The following SIT1 variants were observed in gnomAD, a reference collection of about 807,000 sequenced individuals.
SIT1 encodes signaling threshold regulating transmembrane adaptor 1.
A neutral mutation model predicts 23.5 loss-of-function variants in SIT1; 19 were observed. The observed-to-expected ratio is 0.81, with a 90% CI of 0.56 to 1.19. The LOEUF (loss-of-function observed/expected upper bound fraction) is 1.19. Among genes scored for constraint, SIT1 ranks in the 50% most tolerant of loss-of-function variants. SIT1 has a pLI of 0.00. For synonymous variants in SIT1, 114 were observed against 109.1 expected, an observed-to-expected ratio of 1.04 and a Z score of -0.28; for missense variants, 213 against 254.9, an observed-to-expected ratio of 0.84 and a Z score of 1.12.
In SIT1 at chr9:35,650,680, C is replaced by A; in HGVS notation, c.101-43G>T. 5 of 1,611,764 alleles carry A rather than the reference C, an allele frequency of 3.1e-6. No individual in the cohort carries two copies. Among genetic ancestry groups the A allele is most frequent in the East Asian group, 2.2e-5 (1 of 44,828 alleles). ...AGGGGGGTGTAACAGCCCCGCCCCACCCCCAGGGCCCAGCAGGTGGGACCT... is the reference window on the plus strand; with the variant it reads ...AGGGGGGTGTAACAGCCCCGCCCCAACCCCAGGGCCCAGCAGGTGGGACCT... On this transcript the variant is annotated intron_variant, in intron 1 of 4. Coordinates refer to ENST00000259608, the MANE Select transcript of SIT1 (RefSeq NM_014450.3). This position sits in a 1 kb window ranked among gnomAD's most constrained non-coding sequence, Gnocchi z 4.8.
At position 35,650,071 on chromosome 9, in the gene SIT1, T is replaced by G. The variant is rs769239638; in HGVS notation, c.368A>C (p.Glu123Ala). The G allele has an allele frequency of 6.2e-7, 1 of 1,605,392 alleles. No individual in the cohort carries two copies. ...CTGCAGGCTGGTATAGCACATCACC[T>G]CCTCTGCAGCCTGGAGATGCAAGGC... ...TLGGPARAAE[E>A]VMCYTSLQLR... Residue 123 changes from glutamate to alanine, a missense_variant, in exon 5 of 5, where the codon GAG (glutamate) becomes GCG (alanine). Physicochemically the swap from Glu to Ala is moderately radical, Grantham distance 107. Coordinates refer to ENST00000259608, the MANE Select transcript of SIT1 (RefSeq NM_014450.3). The surrounding 1 kb of genome is among the most constrained non-coding windows in gnomAD (Gnocchi z 4.8).
At position 35,649,676 on chromosome 9, in the gene SIT1, C is replaced by G. The variant is rs1330640063; in HGVS notation, c.*172G>C. On this transcript the variant is annotated 3_prime_UTR_variant, in exon 5 of 5. Transcript: ENST00000259608. ...GCTACTGTCTTTGCCTCCTCCATCA[C>G]GAAAGCTTTGCCCTGAGATGTCTCC... 3.6e-5 allele frequency: 19 copies of G among 525,498 alleles called. No homozygotes were observed. Among genetic ancestry groups the G allele is most frequent in the Non-Finnish European group, 5.7e-5 (17 of 299,596 alleles). 32.6% of individuals were successfully genotyped at this position (525,498 alleles called of 1,614,324 possible).
At position 35,650,129 on chromosome 9, in the gene SIT1, C is replaced by T. The variant is rs889920910; in HGVS notation, c.358-48G>A. ...AGTTCACTGGACCCTCGGAAAAGCC[C>T]GAAAAGCCCCCCACTTCCTTCCCTC... On this transcript the variant is annotated intron_variant, in intron 4 of 4. Coordinates refer to ENST00000259608, the MANE Select transcript of SIT1 (RefSeq NM_014450.3). The surrounding 1 kb of genome is among the most constrained non-coding windows in gnomAD (Gnocchi z 4.8). The T allele has an allele frequency of 1.4e-5, 22 of 1,612,336 alleles. No homozygotes were observed. The highest frequency in any genetic ancestry group is 6.7e-5 in the East Asian group (3 of 44,862).
At position 35,649,756 on chromosome 9, in the gene SIT1, G is replaced by A; in HGVS notation, c.*92C>T. The A allele has an allele frequency of 1.0e-6, 1 of 955,846 alleles. No homozygotes were observed. Among genetic ancestry groups the A allele is most frequent in the South Asian group, 1.8e-5 (1 of 54,422 alleles). The allele number at this position is 955,846 out of a possible 1,614,324, so 59.2% of individuals were successfully genotyped here. A position where few individuals can be genotyped will look rare whatever the true frequency, so the allele number is the denominator to read the frequency against. Reference sequence around the variant, plus strand: ...GATCACATCCTGTGACTTGGCAATGGCGCCCGTCTTTGGGTGCTGGTTGGG... The same window carrying A: ...GATCACATCCTGTGACTTGGCAATGACGCCCGTCTTTGGGTGCTGGTTGGG... On this transcript the variant is annotated 3_prime_UTR_variant, in exon 5 of 5. Coordinates refer to ENST00000259608, the MANE Select transcript of SIT1 (RefSeq NM_014450.3).
Position 35,650,207 on chromosome 9 carries a change from G to A in SIT1, c.334C>T (p.Pro112Ser), listed in dbSNP as rs1823450343. Residue 112 changes from proline (P) to serine (S), a missense_variant, in exon 4 of 5, where the codon CCA becomes TCA. Physicochemically the swap from Pro to Ser is moderately conservative, Grantham distance 74 (BLOSUM62 -1). Coordinates refer to ENST00000259608, the MANE Select transcript of SIT1 (RefSeq NM_014450.3). This position sits in a 1 kb window ranked among gnomAD's most constrained non-coding sequence, Gnocchi z 4.8. ...SQDPEPDQQDPTLGGPARAAE... is the reference protein window; with the variant it reads ...SQDPEPDQQDSTLGGPARAAE... ...ACCCTGGCAGGGCCTCCAAGAGTTG[G>A]ATCCTGCTGGTCTGGCTCTGGGTCT... The A allele has an allele frequency of 5.6e-6, 9 of 1,613,908 alleles. No individual in the cohort carries two copies. Among genetic ancestry groups the A allele is most frequent in the African/African-American group, 1.3e-5 (1 of 74,868 alleles).
chr9:35,650,600 G>A lies in SIT1; in HGVS notation c.138C>T (p.Val46=), dbSNP rs767721267. ...ATAGCAGCGTCACAGCCCCTAAGAG[G>A]ACCCACAGTCCCCAGGCCTGGGTTA... ...PSITQAWGLW[V]LLGAVTLLFL... Residue 46 remains valine (V), a synonymous_variant, in exon 2 of 5, where the codon GTC becomes GTT. Transcript: ENST00000259608. This position sits in a 1 kb window ranked among gnomAD's most constrained non-coding sequence, Gnocchi z 4.8. 23 of 1,613,790 alleles carry A rather than the reference G, an allele frequency of 1.4e-5. No individual in the cohort carries two copies. The South Asian group carries it at 2.5e-4, about 18-fold the overall frequency.
rs1003340840 is a variant in SIT1 at position 35,649,613 on chromosome 9, G to T, written c.*235C>A. The T allele has an allele frequency of 2.3e-5, 10 of 427,874 alleles. No homozygotes were observed. The Admixed American group carries it at 2.8e-4, about 12-fold the overall frequency. The allele number at this position is 427,874 out of a possible 1,614,324, so 26.5% of individuals were successfully genotyped here. A position where few individuals can be genotyped will look rare whatever the true frequency, so the allele number is the denominator to read the frequency against. ...GAAGTGAGAACCTGGGAGTTTGGGG[G>T]CTAAGAGGAACAGATAGAAAAAAGA... is the stretch of plus-strand genomic sequence containing the variant. On this transcript the variant is annotated 3_prime_UTR_variant, in exon 5 of 5. Transcript: ENST00000259608.
In SIT1 at chr9:35,649,946, C is replaced by T. The variant is rs149368734; in HGVS notation, c.493G>A (p.Glu165Lys). ...CATACTGAGGCATAGAGCTCCGGCT[C>T]GGGGCCCGAGGCCTGGGACTTTGGC... The part of the protein sequence containing the change: ...SEPKSQASGP[E>K]PELYASVCAQ... Residue 165 changes from glutamate to lysine, a missense_variant, in exon 5 of 5, where the codon GAG (glutamate) becomes AAG (lysine). Physicochemically the swap from Glu to Lys is moderately conservative, Grantham distance 56. Coordinates refer to ENST00000259608, the MANE Select transcript of SIT1 (RefSeq NM_014450.3). The T allele has an allele frequency of 3.0e-4, 473 of 1,583,268 alleles. No homozygotes were observed. The highest frequency in any genetic ancestry group is 3.8e-4 in the Non-Finnish European group (438 of 1,164,796).
chr9:35,650,241 C>T lies in SIT1; in HGVS notation c.300G>A (p.Arg100=), dbSNP rs1211915201. The stretch of plus-strand genomic sequence containing the variant: ...GGTCTGGCTCTGGGTCTTGAGACAG[C>T]CGTCCTGGGACGGGGAACAGGAATC... ...YGNLHYLQTG[R]LSQDPEPDQQ... The change falls in exon 4 of 5, where the codon CGG becomes CGA. Residue 100 remains arginine, a synonymous_variant. Transcript: ENST00000259608. The surrounding 1 kb of genome is among the most constrained non-coding windows in gnomAD (Gnocchi z 4.8). 1.2e-6 allele frequency: 2 copies of T among 1,613,502 alleles called. No homozygotes were observed. Among genetic ancestry groups the T allele is most frequent in the South Asian group, 1.1e-5 (1 of 91,030 alleles).
In SIT1 at chr9:35,649,728, G is replaced by A; in HGVS notation, c.*120C>T. Reference sequence around the variant, plus strand: ...TTGAAGCTCAGATAGGAAGTCCGGGGTAGATCACATCCTGTGACTTGGCAA... The same window carrying A: ...TTGAAGCTCAGATAGGAAGTCCGGGATAGATCACATCCTGTGACTTGGCAA... On this transcript the variant is annotated 3_prime_UTR_variant, in exon 5 of 5. Transcript: ENST00000259608. The A allele has an allele frequency of 1.4e-6, 1 of 717,542 alleles. No homozygotes were observed. Among genetic ancestry groups the A allele is most frequent in the Non-Finnish European group, 2.2e-6 (1 of 450,262 alleles). The allele number at this position is 717,542 out of a possible 1,614,324, so 44.4% of individuals were successfully genotyped here.
In SIT1 at chr9:35,650,193, G is replaced by A. The variant is rs1158558573; in HGVS notation, c.348C>T (p.Gly116=). 1.2e-6 allele frequency: 2 copies of A among 1,613,980 alleles called. No homozygotes were observed. Among genetic ancestry groups the A allele is most frequent in the East Asian group, 2.2e-5 (1 of 44,874 alleles). The part of the protein sequence containing the change: ...EPDQQDPTLG[G]PARAAEEVMC... ...GCCACAGTTGACTCACCCTGGCAGG[G>A]CCTCCAAGAGTTGGATCCTGCTGGT... Residue 116 remains glycine (G), a synonymous_variant, in exon 4 of 5, where the codon GGC becomes GGT. Coordinates refer to ENST00000259608, the MANE Select transcript of SIT1 (RefSeq NM_014450.3). This position sits in a 1 kb window ranked among gnomAD's most constrained non-coding sequence, Gnocchi z 4.8.
Position 35,650,721 on chromosome 9 carries a change from C to G in SIT1, c.100+33G>C. 6.2e-7 allele frequency: 1 copy of G among 1,611,570 alleles called. No homozygotes were observed. The highest frequency in any genetic ancestry group is 8.5e-7 in the Non-Finnish European group (1 of 1,178,594). The stretch of plus-strand genomic sequence containing the variant: ...GGTGGGACCTGGGGCCACATGACCC[C>G]TCCCCCACCAGCCCCTGCCCTGCCC... On this transcript the variant is annotated intron_variant, in intron 1 of 4. Coordinates refer to ENST00000259608, the MANE Select transcript of SIT1 (RefSeq NM_014450.3). This position sits in a 1 kb window ranked among gnomAD's most constrained non-coding sequence, Gnocchi z 4.8.
chr9:35,650,873 C>A lies in SIT1; in HGVS notation c.-20G>T. The A allele has an allele frequency of 6.4e-7, 1 of 1,571,780 alleles. No homozygotes were observed. Among genetic ancestry groups the A allele is most frequent in the Non-Finnish European group, 8.7e-7 (1 of 1,152,318 alleles). ...GTTCATGGCCTGACGGTTTCCACAG[C>A]ACTTCTTACTCCCATCCCTCCTCAG... On this transcript the variant is annotated 5_prime_UTR_variant, in exon 1 of 5. Coordinates refer to ENST00000259608, the MANE Select transcript of SIT1 (RefSeq NM_014450.3). This position sits in a 1 kb window ranked among gnomAD's most constrained non-coding sequence, Gnocchi z 4.8.
At position 35,650,736 on chromosome 9, in the gene SIT1, C is replaced by T; in HGVS notation, c.100+18G>A. ...CACATGACCCCTCCCCCACCAGCCC[C>T]TGCCCTGCCCAGCTCACCCAGTGCG... On this transcript the variant is annotated intron_variant, in intron 1 of 4. Transcript: ENST00000259608. This position sits in a 1 kb window ranked among gnomAD's most constrained non-coding sequence, Gnocchi z 4.8. The T allele has an allele frequency of 6.2e-7, 1 of 1,612,800 alleles. No homozygotes were observed.
Position 35,649,820 on chromosome 9 carries a change from C to T in SIT1, c.*28G>A. ...CCTGCTACGGGGGGCTGGGGCAGTG[C>T]ACGCCCCGCTGTGCCAGGCCCTCCA... On this transcript the variant is annotated 3_prime_UTR_variant, in exon 5 of 5. Coordinates refer to ENST00000259608, the MANE Select transcript of SIT1 (RefSeq NM_014450.3). The T allele has an allele frequency of 1.4e-6, 2 of 1,460,174 alleles. No homozygotes were observed. Among genetic ancestry groups the T allele is most frequent in the Non-Finnish European group, 1.8e-6 (2 of 1,089,898 alleles). 90.5% of individuals were successfully genotyped at this position (1,460,174 alleles called of 1,614,324 possible).
chr9:35,649,553 G>C lies in SIT1; in HGVS notation c.*295C>G, dbSNP rs1409622845. The C allele has an allele frequency of 9.8e-6, 3 of 306,278 alleles. No homozygotes were observed. The highest frequency in any genetic ancestry group is 6.4e-5 in the African/African-American group (3 of 46,528). The allele number at this position is 306,278 out of a possible 1,614,324, so 19.0% of individuals were successfully genotyped here. Reference sequence around the variant, plus strand: ...CGTGGGGGTAGACTATGAGGGAGCGGGGGTGGGGAGGATCTGGTTAAACTC... The same window carrying C: ...CGTGGGGGTAGACTATGAGGGAGCGCGGGTGGGGAGGATCTGGTTAAACTC... On this transcript the variant is annotated 3_prime_UTR_variant, in exon 5 of 5. Transcript: ENST00000259608.
At position 35,649,393 on chromosome 9, in the gene SIT1, G is replaced by C. The variant is rs572231610; in HGVS notation, c.*455C>G. 3.8e-5 allele frequency: 6 copies of C among 158,048 alleles called. No homozygotes were observed. The highest frequency in any genetic ancestry group is 1.2e-4 in the African/African-American group (5 of 41,794). 9.8% of individuals were successfully genotyped at this position (158,048 alleles called of 1,614,324 possible). On this transcript the variant is annotated 3_prime_UTR_variant, in exon 5 of 5. Transcript: ENST00000259608. ...CTAGGGTTCTTAGGTCAAAAGCCAG[G>C]CTCGGGTCCCTCCCGTCTCTAAGTT...
chr9:35,650,645 T>A lies in SIT1; in HGVS notation c.101-8A>T. On this transcript the variant is annotated splice_region_variant and splice_polypyrimidine_tract_variant and intron_variant, in intron 1 of 4. Transcript: ENST00000259608. This position sits in a 1 kb window ranked among gnomAD's most constrained non-coding sequence, Gnocchi z 4.8. Reference sequence around the variant, plus strand: ...GGGTTATGGAGGGGATTCCTGTGGATGTGAAAGGAAGGGGGGTGTAACAGC... The same window carrying A: ...GGGTTATGGAGGGGATTCCTGTGGAAGTGAAAGGAAGGGGGGTGTAACAGC... 6.2e-7 allele frequency: 1 copy of A among 1,613,362 alleles called. No individual in the cohort carries two copies. Among genetic ancestry groups the A allele is most frequent in the Non-Finnish European group, 8.5e-7 (1 of 1,179,840 alleles).
chr9:35,650,693 G>C lies in SIT1; in HGVS notation c.101-56C>G. 1 of 1,610,058 alleles carries C rather than the reference G, an allele frequency of 6.2e-7. No homozygotes were observed. Among genetic ancestry groups the C allele is most frequent in the Non-Finnish European group, 8.5e-7 (1 of 1,177,242 alleles). On this transcript the variant is annotated intron_variant, in intron 1 of 4. Coordinates refer to ENST00000259608, the MANE Select transcript of SIT1 (RefSeq NM_014450.3). The surrounding 1 kb of genome is among the most constrained non-coding windows in gnomAD (Gnocchi z 4.8). ...AGCCCCGCCCCACCCCCAGGGCCCAGCAGGTGGGACCTGGGGCCACATGAC... is the reference window on the plus strand; with the variant it reads ...AGCCCCGCCCCACCCCCAGGGCCCACCAGGTGGGACCTGGGGCCACATGAC...
Sources: allele counts gnomAD v4.1 joint callset, GRCh38; gene constraint gnomAD v4.1.1; non-coding constraint Gnocchi (gnomAD v3.1); transcripts MANE v1.5; gene names NCBI Gene and HGNC (gene_info 2026-07-23, HGNC 2026-07-21).